Variants in CADPS2 observed in about 807,000 individuals in gnomAD.
The protein encoded by CADPS2 is calcium-dependent secretion activator 2.
CADPS2 carries 93 observed loss-of-function variants against 172.5 expected under a neutral mutation model. The observed-to-expected ratio is 0.54, with a 90% CI of 0.46 to 0.64. CADPS2 has a LOEUF of 0.64. CADPS2 is among the 30% of genes least tolerant of loss of function. The probability of loss-of-function intolerance (pLI) is 0.00; values close to 1 mark genes in which losing one functional copy is unlikely to be tolerated. For missense variants in CADPS2, 1,420 were observed against 1,565.9 expected (o/e 0.91, Z 1.57); for synonymous variants, 546 against 555.2 (o/e 0.98, Z 0.23).
intron 25 of CADPS2, among the ~76,000 whole-genome samples, chr7:122,365,632 G>T (rs1257168618): frequency 6.6e-6 from 1 of 152,124 alleles, no homozygotes; most frequent in Non-Finnish European, 1.5e-5. Context: ...TGTGCTGTCT[G>T]TTCTCCTGAG....
intron 7 of CADPS2, among the ~76,000 whole-genome samples, chr7:122,570,777 G>A (rs192740583): frequency 0.028 from 4,326 of 151,898 alleles, 78 homozygotes; most frequent in South Asian, 0.053. Context: ...GTAAACTATC[G>A]CAAGGACAAA....
At chr7:122,827,321 C>G (rs1053702504) in intron 1 of CADPS2, among the ~76,000 whole-genome samples, 1 of 151,902 alleles carries the variant, frequency 6.6e-6, no homozygotes, top group African/African-American at 2.4e-5. Context: ...AATCTCCAGC[C>G]CTAGATGGTT....
chr7:122,783,962 A>C (rs1367214208), intron 1 of CADPS2, among the ~76,000 whole-genome samples: 1 of 152,152 alleles, frequency 6.6e-6, no homozygotes, highest in Non-Finnish European at 1.5e-5. Flanking sequence ...AACTATCTTT[A>C]ATATTTTTCC....
At chr7:122,837,649 A>C (rs1808947135) in intron 1 of CADPS2, among the ~76,000 whole-genome samples, 1 of 152,158 alleles carries the variant, frequency 6.6e-6, no homozygotes, top group African/African-American at 2.4e-5. Flanking sequence ...TACTATAAAC[A>C]CCTCTATGCA....
chr7:122,598,890 AAGAG>A (rs2133412035), intron 6 of CADPS2, among the ~76,000 whole-genome samples: 1 of 152,202 alleles, frequency 6.6e-6, no homozygotes, highest in South Asian at 2.1e-4. Context: ...AGCAGATAAA[AAGAG>A]AGACAACTAG....
chr7:122,413,742 T>C (rs2047575793), intron 19 of CADPS2, among the ~76,000 whole-genome samples: 1 of 152,196 alleles, frequency 6.6e-6, no homozygotes, highest in Non-Finnish European at 1.5e-5. Context: ...CTCCCCAATA[T>C]TGTTCAGAGA....
At chr7:122,807,614 A>C (rs1263385585) in intron 1 of CADPS2, among the ~76,000 whole-genome samples, 3 of 152,214 alleles carry the variant, frequency 2.0e-5, no homozygotes, top group Non-Finnish European at 4.4e-5. Flanking sequence ...TAAGCAACAG[A>C]AATTTATTTC....
chr7:122,550,755 A>G (rs1219042109), intron 8 of CADPS2, among the ~76,000 whole-genome samples: 1 of 109,304 alleles, frequency 9.1e-6, no homozygotes, highest in African/African-American at 4.1e-5. Flanking sequence ...TTCTATCTTC[A>G]TGCTACAGAC....
chr7:122,752,583 A>G (rs1217529615), intron 1 of CADPS2, among the ~76,000 whole-genome samples: 1 of 152,338 alleles, frequency 6.6e-6, no homozygotes, highest in African/African-American at 2.4e-5. Flanking sequence ...TACATAACCC[A>G]AAGACATAGA....
At chr7:122,809,780 G>A (rs1484231381) in intron 1 of CADPS2, among the ~76,000 whole-genome samples, 1 of 152,128 alleles carries the variant, frequency 6.6e-6, no homozygotes, top group Non-Finnish European at 1.5e-5. Context: ...GAATGTATAA[G>A]TTCATGCAAG....
At chr7:122,753,003 T>C (rs964832957) in intron 1 of CADPS2, among the ~76,000 whole-genome samples, 3 of 152,052 alleles carry the variant, frequency 2.0e-5, no homozygotes, top group African/African-American at 7.2e-5. Context: ...GAAATTCTGC[T>C]CTCCAAAGGG....
chr7:122,858,975 C>A (rs1816146138), intron 1 of CADPS2, among the ~76,000 whole-genome samples: 1 of 152,152 alleles, frequency 6.6e-6, no homozygotes, highest in Non-Finnish European at 1.5e-5. Context: ...TTGATTTGGT[C>A]AGGGAACAGG....
At chr7:122,857,893 G>A (rs1815756709) in intron 1 of CADPS2, among the ~76,000 whole-genome samples, 2 of 152,134 alleles carry the variant, frequency 1.3e-5, no homozygotes, top group African/African-American at 2.4e-5. Flanking sequence ...CAGTGGGTTC[G>A]TGGTCTTGCT....
chr7:122,441,393 A>C (rs2051332159), intron 16 of CADPS2, 119 bp downstream of exon 16: 1 of 547,494 alleles, frequency 1.8e-6, no homozygotes, highest in East Asian at 3.2e-5. Context: ...GAAACTCATG[A>C]CTTGTGATGG....
In CADPS2 at chr7:122,886,158, G is replaced by A; in HGVS notation, c.180C>T (p.Ser60=). 6.5e-7 allele frequency: 1 copy of A among 1,533,428 alleles called. No individual in the cohort carries two copies. Among genetic ancestry groups the A allele is most frequent in the Non-Finnish European group, 8.8e-7 (1 of 1,140,990 alleles). The allele number at this position is 1,533,428 out of a possible 1,614,324, so 95.0% of individuals were successfully genotyped here. Reference sequence around the variant, plus strand: ...CTCGCCCCTCGCTGAGCACAGAGGGGCTCGGGCTCACAGATCTGGCCGCGC... The same window carrying A: ...CTCGCCCCTCGCTGAGCACAGAGGGACTCGGGCTCACAGATCTGGCCGCGC... The part of the protein sequence containing the change: ...GGGAARSVSP[S]PSVLSEGRDE... Residue 60 remains serine (S), a synonymous_variant, in exon 1 of 30, where the codon AGC becomes AGT. Coordinates refer to ENST00000449022, the MANE Select transcript of CADPS2 (RefSeq NM_017954.11).
At chr7:122,361,246 T>A (rs4731055) in intron 25 of CADPS2, among the ~76,000 whole-genome samples, 3,728 of 109,302 alleles carry the variant, frequency 0.034, 88 homozygotes, top group Non-Finnish European at 0.052. Flanking sequence ...TTTTTTTTTT[T>A]AAAATGAGAT....
At chr7:122,403,915 A>C (rs1163676419) in intron 20 of CADPS2, among the ~76,000 whole-genome samples, 1 of 152,198 alleles carries the variant, frequency 6.6e-6, no homozygotes, top group South Asian at 2.1e-4. Context: ...TTTCTCTATA[A>C]AATAAATTAC....
chr7:122,475,791 G>A (rs762326267), intron 12 of CADPS2, among the ~76,000 whole-genome samples: 17 of 152,126 alleles, frequency 1.1e-4, no homozygotes, highest in Non-Finnish European at 1.6e-4. Context: ...AGGAAAAGGT[G>A]AATATAGCAA....
At chr7:122,526,377 G>A (rs940613900) in intron 8 of CADPS2, among the ~76,000 whole-genome samples, 2 of 152,032 alleles carry the variant, frequency 1.3e-5, no homozygotes, top group Non-Finnish European at 2.9e-5. Flanking sequence ...ATTTTTAGTA[G>A]AGATGGGGTT....
Sources: gnomAD v4.1 joint callset for allele counts (sites outside exome capture counted in the v4.1 genomes callset) on GRCh38, gnomAD v4.1.1 for gene constraint, MANE v1.5 for transcripts, NCBI Gene and HGNC (gene_info 2026-07-23, HGNC 2026-07-21) for gene names.